SGCD: variants seen among roughly 807,000 people sequenced by gnomAD.
The protein encoded by SGCD is delta-sarcoglycan.
A neutral mutation model predicts 36.6 loss-of-function variants in SGCD; 18 were observed. That is an observed-to-expected ratio of 0.49 (90% CI 0.34 to 0.73). SGCD has a LOEUF of 0.73. SGCD is among the 30% of genes least tolerant of loss of function. The pLI is 0.01. For missense variants in SGCD, 387 were observed against 346.7 expected (o/e 1.12, Z -0.92); for synonymous variants, 133 against 130.6 (o/e 1.02, Z -0.12).
chr5:156,427,284 T>C (rs1773713930), intron 3 of SGCD, among the ~76,000 whole-genome samples: 1 of 152,114 alleles, frequency 6.6e-6, no homozygotes, highest in Non-Finnish European at 1.5e-5. Flanking sequence ...TATTCCTAAG[T>C]ATTATATTTT....
At chr5:156,111,270 G>C (rs922797556) in intron 1 of SGCD, among the ~76,000 whole-genome samples, 1 of 152,130 alleles carries the variant, frequency 6.6e-6, no homozygotes, top group African/African-American at 2.4e-5. Context: ...AAGAAATGAT[G>C]CCAAGTGTGG....
chr5:156,406,611 G>A (rs1486505753), intron 3 of SGCD, among the ~76,000 whole-genome samples: 2 of 151,600 alleles, frequency 1.3e-5, no homozygotes, highest in Non-Finnish European at 2.9e-5. Flanking sequence ...TTTTTCAAAA[G>A]CACTTAGAGT....
At chr5:156,061,209 A>G (rs968076253) in intron 1 of SGCD, among the ~76,000 whole-genome samples, 5 of 144,896 alleles carry the variant, frequency 3.5e-5, no homozygotes, top group African/African-American at 1.2e-4. Flanking sequence ...AGTAGTTCCC[A>G]GTGTTATCCA....
chr5:156,458,648 G>C (rs1436213576), intron 3 of SGCD: 1 of 619,590 alleles, frequency 1.6e-6, no homozygotes, highest in Non-Finnish European at 2.9e-6. Flanking sequence ...TGCAGATATT[G>C]TAAGAATTAA....
At chr5:156,360,554 T>C (rs1047388734) in intron 3 of SGCD, among the ~76,000 whole-genome samples, 4 of 152,098 alleles carry the variant, frequency 2.6e-5, no homozygotes, top group Admixed American at 2.6e-4. Context: ...CACTGTAGTG[T>C]CCACCTTTGA....
intron 7 of SGCD, among the ~76,000 whole-genome samples, chr5:156,738,378 G>A (rs1214920482): frequency 1.3e-5 from 2 of 152,100 alleles, no homozygotes; most frequent in Admixed American, 1.3e-4. Context: ...GAGTTCTGAG[G>A]AACACCATTT....
intron 4 of SGCD, among the ~76,000 whole-genome samples, chr5:156,588,313 A>G (rs1760579032): frequency 6.6e-6 from 1 of 152,088 alleles, no homozygotes; most frequent in African/African-American, 2.4e-5. Flanking sequence ...TCATATTCAG[A>G]TTATATTAAA....
chr5:156,670,222 C>T (rs911714947), intron 7 of SGCD, among the ~76,000 whole-genome samples: 10 of 152,124 alleles, frequency 6.6e-5, no homozygotes, highest in South Asian at 2.1e-4. Flanking sequence ...GTGGTCAGGA[C>T]GGACATGACA....
intron 3 of SGCD, among the ~76,000 whole-genome samples, chr5:156,450,404 A>G (rs1294724305): frequency 6.6e-6 from 1 of 152,086 alleles, no homozygotes; most frequent in African/African-American, 2.4e-5. Flanking sequence ...AAAGCTGCCA[A>G]AGGCAGGAAT....
At chr5:156,180,350 A>C (rs896536524) in intron 3 of SGCD, among the ~76,000 whole-genome samples, 5 of 152,152 alleles carry the variant, frequency 3.3e-5, no homozygotes, top group African/African-American at 1.2e-4. Flanking sequence ...TGTGCTGTTG[A>C]TCATAGCCAG....
chr5:155,834,442 T>C, the SGCD span, among the ~76,000 whole-genome samples: 1 of 152,198 alleles, frequency 6.6e-6, no homozygotes, highest in Non-Finnish European at 1.5e-5. Flanking sequence ...AGGTGAAATA[T>C]GACTCATTTT....
At chr5:156,470,866 C>T (rs889175078) in intron 3 of SGCD, among the ~76,000 whole-genome samples, 7 of 152,076 alleles carry the variant, frequency 4.6e-5, no homozygotes, top group South Asian at 2.1e-4. Flanking sequence ...AAACGTACTG[C>T]GTAACTTACT....
chr5:156,472,801 A>G (rs1755029391), intron 3 of SGCD, among the ~76,000 whole-genome samples: 1 of 152,212 alleles, frequency 6.6e-6, no homozygotes, highest in Non-Finnish European at 1.5e-5. Flanking sequence ...GTGTGATTCA[A>G]TTTATATGAA....
chr5:156,003,585 T>C (rs1758703587), intron 1 of SGCD, among the ~76,000 whole-genome samples: 1 of 152,180 alleles, frequency 6.6e-6, no homozygotes, highest in South Asian at 2.1e-4. Context: ...CATCTGGGCA[T>C]GTTGCAGAGA....
At chr5:156,136,287 T>C (rs1762454457) in intron 3 of SGCD, among the ~76,000 whole-genome samples, 1 of 152,140 alleles carries the variant, frequency 6.6e-6, no homozygotes, top group African/African-American at 2.4e-5. Context: ...TAATTTTTAA[T>C]TTTTTTGTAG....
intron 3 of SGCD, among the ~76,000 whole-genome samples, chr5:156,211,921 AATT>A (rs1397972646): frequency 6.6e-6 from 1 of 152,174 alleles, no homozygotes; most frequent in Non-Finnish European, 1.5e-5. Flanking sequence ...GGTCAAAGTT[AATT>A]TGTTATCAGC....
chr5:155,990,187 T>TA (rs1758404160), intron 1 of SGCD, among the ~76,000 whole-genome samples: 1 of 152,180 alleles, frequency 6.6e-6, no homozygotes, highest in South Asian at 2.1e-4. Context: ...CACTGTTTTT[T>TA]AAACTAAAGG....
intron 3 of SGCD, among the ~76,000 whole-genome samples, chr5:156,365,064 CAG>C (rs764261971): frequency 2.3e-4 from 35 of 152,248 alleles, no homozygotes; most frequent in Admixed American, 9.8e-4. Flanking sequence ...TTAAAAATGA[CAG>C]TATAAAAATG....
the SGCD span, among the ~76,000 whole-genome samples, chr5:155,810,284 A>G: frequency 6.6e-6 from 1 of 152,128 alleles, no homozygotes; most frequent in Admixed American, 6.5e-5. Context: ...GACTGAAAAG[A>G]TTTCTTGTCT....
Sources: allele counts gnomAD v4.1 joint callset (sites outside exome capture counted in the v4.1 genomes callset), GRCh38; gene constraint gnomAD v4.1.1; transcripts MANE v1.5; gene names NCBI Gene and HGNC (gene_info 2026-07-23, HGNC 2026-07-21).